The following NCALD variants were observed in gnomAD, a reference collection of about 807,000 sequenced individuals.
The protein encoded by NCALD is neurocalcin-delta.
In NCALD, 10 loss-of-function variants were observed where a neutral mutation model predicts 18.6. The ratio of observed to expected loss-of-function variants is 0.54; its 90% CI spans 0.33 to 0.91. The LOEUF is 0.91. Ranked by LOEUF, NCALD falls within the 40% of genes least tolerant of loss-of-function variation. The pLI, the probability that NCALD is intolerant of heterozygous loss-of-function variation, is 0.03. For synonymous variants in NCALD, 88 were observed against 87.4 expected (o/e 1.01, Z -0.04); for missense variants, 184 against 247.6 (o/e 0.74, Z 1.72).
chr8:102,092,598 G>T (rs1339084482), intron 1 of NCALD, among the ~76,000 whole-genome samples: 2 of 152,100 alleles, frequency 1.3e-5, no homozygotes, highest in Non-Finnish European at 2.9e-5. Context: ...TTCATAATAT[G>T]CTTCCTCTTG....
In NCALD at chr8:102,063,937, C is replaced by G. The variant is rs968712071; in HGVS notation, c.-209-43648G>C. Among the ~76,000 whole-genome samples, 3 of 152,138 alleles carry G rather than the reference C, an allele frequency of 2.0e-5. No individual in the cohort carries two copies. The East Asian group carries it at 5.8e-4, about 29-fold the overall frequency. ...CAGTATTTAGAACCCCAGAATTGCC[C>G]CACTTCCTTTTGAGACCAGGTCCAT... On this transcript the variant is annotated intron_variant, in intron 1 of 6. Transcript: ENST00000311028.
chr8:101,933,462 A>T (rs1393209877), intron 2 of NCALD, among the ~76,000 whole-genome samples: 2 of 152,190 alleles, frequency 1.3e-5, no homozygotes. Flanking sequence ...CAGCCCTGCC[A>T]CCTTCATTTT....
chr8:101,897,189 A>G (rs1817218552), intron 3 of NCALD, among the ~76,000 whole-genome samples: 1 of 132,746 alleles, frequency 7.5e-6, no homozygotes, highest in African/African-American at 2.9e-5. Flanking sequence ...TGCAGCCATA[A>G]AAAATGATGA....
intron 2 of NCALD, among the ~76,000 whole-genome samples, chr8:101,944,284 T>G (rs1334420389): frequency 6.6e-6 from 1 of 152,204 alleles, no homozygotes; most frequent in Non-Finnish European, 1.5e-5. Context: ...AAAGGTAGTT[T>G]TCACAGGCTG....
chr8:101,989,882 G>C (rs978110131), intron 2 of NCALD, among the ~76,000 whole-genome samples: 1 of 152,182 alleles, frequency 6.6e-6, no homozygotes, highest in Non-Finnish European at 1.5e-5. Flanking sequence ...TTCATTTTCA[G>C]GTTTTGAAGC....
chr8:101,959,157 A>G (rs1466647794), intron 2 of NCALD, among the ~76,000 whole-genome samples: 1 of 152,158 alleles, frequency 6.6e-6, no homozygotes, highest in Non-Finnish European at 1.5e-5. Flanking sequence ...ATCTTCCTTC[A>G]ATCTGCAACA....
intron 2 of NCALD, among the ~76,000 whole-genome samples, chr8:102,015,371 C>T (rs111379896): frequency 3.3e-5 from 5 of 152,268 alleles, no homozygotes; most frequent in African/African-American, 4.8e-5. Flanking sequence ...AAGAAAAATG[C>T]CCAACACAGC....
intron 1 of NCALD, among the ~76,000 whole-genome samples, chr8:101,763,999 C>T (rs1204618605): frequency 9.5e-6 from 1 of 105,710 alleles, no homozygotes; most frequent in Non-Finnish European, 2.1e-5. Flanking sequence ...CACACACACA[C>T]ACACACACAC....
intron 1 of NCALD, among the ~76,000 whole-genome samples, chr8:102,101,410 G>C (rs954186219): frequency 6.6e-6 from 1 of 152,206 alleles, no homozygotes; most frequent in Non-Finnish European, 1.5e-5. Flanking sequence ...TGGACTACCT[G>C]GTTTAGTGGT....
intron 1 of NCALD, among the ~76,000 whole-genome samples, chr8:102,066,009 C>A (rs571725832): frequency 7.2e-5 from 11 of 152,018 alleles, no homozygotes; most frequent in African/African-American, 2.7e-4. Flanking sequence ...TTTAGAAAAC[C>A]CTTAGGATTT....
At chr8:102,092,647 T>C (rs1824961731) in intron 1 of NCALD, among the ~76,000 whole-genome samples, 1 of 152,206 alleles carries the variant, frequency 6.6e-6, no homozygotes. Context: ...CCTTTTTTCA[T>C]GCTCCTCCCA....
At chr8:101,802,161 T>C (rs1340051979) in intron 4 of NCALD, among the ~76,000 whole-genome samples, 1 of 152,170 alleles carries the variant, frequency 6.6e-6, no homozygotes, top group East Asian at 1.9e-4. Context: ...TCATCTGTTA[T>C]GGTGATCAGT....
rs567594644 is a variant in NCALD, at chr8:102,122,087, C to T, written c.-210+2150G>A. ...ACATAGATAATGGTGCAGAATGATG[C>T]GAGGGCTACATCCAGGGTAGCATGG... On this transcript the variant is annotated intron_variant, in intron 1 of 6. Transcript: ENST00000311028. 2.2e-4 allele frequency among the ~76,000 whole-genome samples: 33 copies of T among 152,254 alleles called. No individual in the cohort carries two copies. In the East Asian group the frequency reaches 3.9e-3, roughly 18 times the overall value.
chr8:101,907,685 T>G (rs1239713115), intron 3 of NCALD, among the ~76,000 whole-genome samples: 3 of 152,182 alleles, frequency 2.0e-5, no homozygotes, highest in African/African-American at 7.2e-5. Context: ...TATATCATTA[T>G]TTCCAACCCA....
intron 2 of NCALD, among the ~76,000 whole-genome samples, chr8:101,930,116 A>AT (rs985889401): frequency 8.5e-5 from 13 of 152,190 alleles, no homozygotes; most frequent in Admixed American, 7.2e-4. Flanking sequence ...AAATATGAGT[A>AT]TTTTTTAAAA....
chr8:101,906,852 G>A (rs774379889), intron 3 of NCALD, among the ~76,000 whole-genome samples: 3 of 152,162 alleles, frequency 2.0e-5, no homozygotes, highest in African/African-American at 4.8e-5. Context: ...ACTTTTAGGC[G>A]CAAGATTTAA....
chr8:102,050,093 C>T (rs1823384216), intron 1 of NCALD, among the ~76,000 whole-genome samples: 1 of 136,232 alleles, frequency 7.3e-6, no homozygotes, highest in Admixed American at 8.5e-5. Flanking sequence ...ACCCGGGAAG[C>T]GGAGCTTGCA....
At chr8:101,998,735 G>T (rs1821330011) in intron 2 of NCALD, among the ~76,000 whole-genome samples, 1 of 152,052 alleles carries the variant, frequency 6.6e-6, no homozygotes, top group South Asian at 2.1e-4. Flanking sequence ...TCCTCCCCAG[G>T]GGTCTGCAGT....
Position 101,930,061 on chromosome 8 carries a change from T to C in NCALD, c.-156-14203A>G, listed in dbSNP as rs1384970896. ...CAGAGTGAGACTCCATCTCAAAAAA[T>C]AAAAAACAAAAATATATAAAAATTA... is the stretch of plus-strand genomic sequence containing the variant. On this transcript the variant is annotated intron_variant, in intron 2 of 6. Coordinates refer to the NCALD transcript ENST00000311028. Among the ~76,000 whole-genome samples, 5 of 151,446 alleles carry C rather than the reference T, an allele frequency of 3.3e-5. No homozygotes were observed. The East Asian group carries it at 9.7e-4, about 29-fold the overall frequency.
Sources: gnomAD v4.1 joint callset for allele counts (sites outside exome capture counted in the v4.1 genomes callset) on GRCh38, gnomAD v4.1.1 for gene constraint, MANE v1.5 for transcripts, NCBI Gene and HGNC (gene_info 2026-07-23, HGNC 2026-07-21) for gene names.